Variants in ANKUB1 observed in about 807,000 individuals in gnomAD.
The protein encoded by ANKUB1 is protein ANKUB1.
A neutral mutation model predicts 49.3 loss-of-function variants in ANKUB1; 42 were observed. The observed-to-expected ratio is 0.85, with a 90% CI of 0.67 to 1.10. ANKUB1 has a LOEUF of 1.10. Among genes scored for constraint, ANKUB1 ranks in the 50% least tolerant of loss-of-function variants. The pLI is 0.00. For missense variants in ANKUB1, 613 were observed against 642.0 expected, an observed-to-expected ratio of 0.95 and a Z score of 0.49; for synonymous variants, 222 against 231.0, an observed-to-expected ratio of 0.96 and a Z score of 0.35.
rs141785874 is a variant in ANKUB1 at position 149,780,194 on chromosome 3, C to T, written c.451+45G>A. Reference sequence around the variant, plus strand: ...AGCTGCAAAATCTGGTATCAAAGGACCCTAGTGCCAAATGGTAGCTGATAT... The same window carrying T: ...AGCTGCAAAATCTGGTATCAAAGGATCCTAGTGCCAAATGGTAGCTGATAT... On this transcript the variant is annotated intron_variant, in intron 3 of 5. Transcript: ENST00000446160. 2.7e-3 allele frequency: 4,096 copies of T among 1,505,500 alleles called. 10 individuals are homozygous for T. Among genetic ancestry groups the T allele is most frequent in the Non-Finnish European group, 3.4e-3 (3,801 of 1,106,278 alleles). The allele number at this position is 1,505,500 out of a possible 1,614,324, so 93.3% of individuals were successfully genotyped here.
chr3:149,777,237 G>T (rs949654376), intron 3 of ANKUB1, among the ~76,000 whole-genome samples: 3 of 152,152 alleles, frequency 2.0e-5, no homozygotes, highest in Admixed American at 6.5e-5. Flanking sequence ...ACTTTGGGAG[G>T]CCAAGGCGGG....
At chr3:149,768,800 C>T (rs1410151144) in intron 4 of ANKUB1, among the ~76,000 whole-genome samples, 1 of 151,544 alleles carries the variant, frequency 6.6e-6, no homozygotes, top group Non-Finnish European at 1.5e-5. Context: ...ACCTTGGCCT[C>T]CCAAAGTAAT....
chr3:149,773,792 G>A (rs759996780), intron 3 of ANKUB1, among the ~76,000 whole-genome samples: 4 of 151,868 alleles, frequency 2.6e-5, no homozygotes, highest in African/African-American at 7.3e-5. Context: ...CTCCACAGCC[G>A]AGGCTACACA....
intron 2 of ANKUB1, among the ~76,000 whole-genome samples, chr3:149,789,672 C>T (rs970566743): frequency 1.3e-5 from 2 of 151,080 alleles, no homozygotes; most frequent in East Asian, 1.9e-4. Flanking sequence ...CTCTGTTGCC[C>T]AGGCTGGAGT....
rs564226513 is a variant in ANKUB1 at position 149,766,896 on chromosome 3, T to C, written c.1505+261A>G. ...CAGCAGCAGCAAGGGACCTTGAGAA[T>C]TGATACAATTCTTTCTACTGTGTTT... On this transcript the variant is annotated intron_variant, in intron 5 of 5. Coordinates refer to ENST00000446160, the MANE Select transcript of ANKUB1 (RefSeq NM_001144960.3). The C allele has an allele frequency of 4.8e-5, 54 of 1,131,608 alleles. No homozygotes were observed. The African/African-American group carries it at 6.4e-4, about 13-fold the overall frequency. The allele number at this position is 1,131,608 out of a possible 1,614,324, so 70.1% of individuals were successfully genotyped here.
intron 3 of ANKUB1, among the ~76,000 whole-genome samples, chr3:149,777,758 C>G (rs1055483816): frequency 6.6e-6 from 1 of 152,204 alleles, no homozygotes; most frequent in Non-Finnish European, 1.5e-5. Flanking sequence ...AGAATGCCTT[C>G]CCTACATGCC....
At position 149,790,612 on chromosome 3, in the gene ANKUB1, C is replaced by T. The variant is rs1191447999; in HGVS notation, c.234+169G>A. ...TTTATCCCTTCTCCATGTCTTACTT[C>T]CCCTTACAGCACAAAGCATGCGTAA... On this transcript the variant is annotated intron_variant, in intron 2 of 5. Transcript: ENST00000446160. 3.3e-5 allele frequency among the ~76,000 whole-genome samples: 5 copies of T among 152,158 alleles called. No homozygotes were observed. In the East Asian group the frequency reaches 7.7e-4, roughly 23 times the overall value.
chr3:149,771,376 T>C (rs1717352687), intron 3 of ANKUB1, among the ~76,000 whole-genome samples: 1 of 152,186 alleles, frequency 6.6e-6, no homozygotes, highest in Non-Finnish European at 1.5e-5. Context: ...CTCTGCTTCA[T>C]TCATTTATTA....
chr3:149,767,012 G>T (rs1717055880), intron 5 of ANKUB1, 145 bp downstream of exon 5: 1 of 1,003,404 alleles, frequency 1.0e-6, no homozygotes, highest in African/African-American at 1.6e-5. Flanking sequence ...ATGAGGCTAA[G>T]ATGAGGTCCT....
chr3:149,775,800 G>A (rs1202676676), intron 3 of ANKUB1, among the ~76,000 whole-genome samples: 1 of 152,128 alleles, frequency 6.6e-6, no homozygotes, highest in Non-Finnish European at 1.5e-5. Context: ...ATGTGGATCA[G>A]AAAGAGGAAA....
intron 5 of ANKUB1, among the ~76,000 whole-genome samples, chr3:149,765,815 C>T (rs1479581734): frequency 2.6e-5 from 4 of 152,142 alleles, no homozygotes; most frequent in Non-Finnish European, 5.9e-5. Context: ...ACATTCTAGT[C>T]AGAGATATCT....
intron 3 of ANKUB1, among the ~76,000 whole-genome samples, chr3:149,772,311 G>A (rs1315571197): frequency 6.6e-6 from 1 of 152,108 alleles, no homozygotes; most frequent in Non-Finnish European, 1.5e-5. Context: ...GTGAGCCATT[G>A]CGCCCGGCAT....
intron 3 of ANKUB1, among the ~76,000 whole-genome samples, chr3:149,775,902 T>C (rs992004284): frequency 6.6e-6 from 1 of 151,216 alleles, no homozygotes; most frequent in Non-Finnish European, 1.5e-5. Flanking sequence ...GGTGTGTGTG[T>C]GCGTGTGTGT....
intron 2 of ANKUB1, among the ~76,000 whole-genome samples, chr3:149,789,726 TTCAAGTGATTCTCCTGCC>T (rs1277908738): frequency 6.6e-6 from 1 of 151,058 alleles, no homozygotes; most frequent in Non-Finnish European, 1.5e-5. Flanking sequence ...CCCTCCTGGG[TTCAAGTGATTCTCCTGCC>T]TCAGCCTAAT....
intron 2 of ANKUB1, among the ~76,000 whole-genome samples, chr3:149,781,552 AG>A (rs945763273): frequency 3.3e-5 from 5 of 152,132 alleles, no homozygotes; most frequent in African/African-American, 9.7e-5. Context: ...CAGGTTCTTC[AG>A]GGGGCTCCAA....
intron 3 of ANKUB1, among the ~76,000 whole-genome samples, chr3:149,771,770 T>C (rs1717372607): frequency 6.6e-6 from 1 of 152,160 alleles, no homozygotes; most frequent in African/African-American, 2.4e-5. Flanking sequence ...TTAGTGGCGA[T>C]GATAGCTTCA....
intron 2 of ANKUB1, among the ~76,000 whole-genome samples, chr3:149,781,724 A>G (rs1717880470): frequency 6.6e-6 from 1 of 152,194 alleles, no homozygotes; most frequent in South Asian, 2.1e-4. Flanking sequence ...CAACATGCAG[A>G]CCTTTTTCAA....
intron 3 of ANKUB1, among the ~76,000 whole-genome samples, chr3:149,776,389 C>T (rs757316464): frequency 2.6e-5 from 4 of 152,136 alleles, no homozygotes; most frequent in Non-Finnish European, 5.9e-5. Context: ...GGAATGTACC[C>T]CTCATAGGGC....
chr3:149,787,813 G>T (rs1005489385), intron 2 of ANKUB1, among the ~76,000 whole-genome samples: 5 of 152,114 alleles, frequency 3.3e-5, no homozygotes, highest in Admixed American at 6.5e-5. Flanking sequence ...TTTCACACAA[G>T]CAGAACCTTG....
Sources: allele counts gnomAD v4.1 joint callset (sites outside exome capture counted in the v4.1 genomes callset), GRCh38; gene constraint gnomAD v4.1.1; transcripts MANE v1.5; gene names NCBI Gene and HGNC (gene_info 2026-07-23, HGNC 2026-07-21).